Variants in TBC1D32 observed in about 807,000 individuals in gnomAD.
TBC1D32 encodes the protein TBC1 domain family member 32.
TBC1D32 carries 151 observed loss-of-function variants against 170.3 expected under a neutral mutation model. The observed-to-expected ratio is 0.89, with a 90% confidence interval of 0.78 to 1.01. The LOEUF (loss-of-function observed/expected upper bound fraction) is 1.01, where lower values mean the gene tolerates loss of function less well. Ranked by LOEUF, TBC1D32 falls within the 50% of genes least tolerant of loss-of-function variation. The probability of loss-of-function intolerance (pLI) is 0.00; values close to 1 mark genes in which losing one functional copy is unlikely to be tolerated. For synonymous variants in TBC1D32, 498 were observed against 488.0 expected (o/e 1.02, Z -0.27); for missense variants, 1,464 against 1,457.1 (o/e 1.00, Z -0.08).
At chr6:121,159,792 T>C (rs529295788) in intron 24 of TBC1D32, among the ~76,000 whole-genome samples, 1 of 152,318 alleles carries the variant, frequency 6.6e-6, no homozygotes, top group East Asian at 1.9e-4. Flanking sequence ...ACCACCTTTG[T>C]ATACTTGGTC....
In TBC1D32 at chr6:121,273,454, C is replaced by T. The variant is rs1469274118; in HGVS notation, c.1733+5667G>A. On this transcript the variant is annotated intron_variant, in intron 15 of 31. Transcript: ENST00000398212. Reference sequence around the variant, plus strand: ...GAACTGAACAATGAGAACACTTGGACACAGGGTGGGGAACATCACACACCG... The same window carrying T: ...GAACTGAACAATGAGAACACTTGGATACAGGGTGGGGAACATCACACACCG... Among the ~76,000 whole-genome samples, 8 of 151,094 alleles carry T rather than the reference C, an allele frequency of 5.3e-5. No individual in the cohort carries two copies. The Admixed American group carries it at 5.3e-4, about 10-fold the overall frequency.
intron 31 of TBC1D32, among the ~76,000 whole-genome samples, chr6:121,082,397 G>A (rs531999371): frequency 9.2e-5 from 14 of 152,072 alleles, no homozygotes; most frequent in Non-Finnish European, 1.5e-4. Context: ...TGTTATAGTC[G>A]TGGAACAATT....
intron 15 of TBC1D32, among the ~76,000 whole-genome samples, chr6:121,264,174 C>A (rs1800143905): frequency 1.3e-5 from 2 of 151,778 alleles, no homozygotes; most frequent in South Asian, 2.1e-4. Context: ...ATAAAATAGA[C>A]CACTAGTTAG....
chr6:121,291,401 C>A (rs1235260598), intron 12 of TBC1D32, among the ~76,000 whole-genome samples: 1 of 151,768 alleles, frequency 6.6e-6, no homozygotes, highest in Non-Finnish European at 1.5e-5. Flanking sequence ...GTCAAAACAG[C>A]CCAAAATATT....
intron 15 of TBC1D32, among the ~76,000 whole-genome samples, chr6:121,266,384 A>T (rs933495906): frequency 1.3e-5 from 2 of 152,240 alleles, no homozygotes; most frequent in Non-Finnish European, 2.9e-5. Context: ...CATGCCAGTT[A>T]GAATGGCAAT....
intron 15 of TBC1D32, among the ~76,000 whole-genome samples, chr6:121,266,285 A>T (rs1800469369): frequency 6.6e-6 from 1 of 152,220 alleles, no homozygotes; most frequent in Non-Finnish European, 1.5e-5. Flanking sequence ...AAAAGAAGAC[A>T]TTTATGCAGC....
chr6:121,180,115 TGTCA>T (rs1788317259), intron 22 of TBC1D32, among the ~76,000 whole-genome samples: 1 of 152,270 alleles, frequency 6.6e-6, no homozygotes, highest in East Asian at 1.9e-4. Flanking sequence ...CAGAGATATA[TGTCA>T]TGTTTATAGA....
rs781711505 is a variant in TBC1D32, at chr6:121,203,518, TAAAG to T, written c.2570+1553_2570+1556del. Among the ~76,000 whole-genome samples the T allele has an allele frequency of 3.3e-5, 5 of 151,416 alleles. No individual in the cohort carries two copies. In the East Asian group the frequency reaches 5.8e-4, roughly 17 times the overall value. ...AAAAACAGCATAGATCAAGTAGATATAAAGAAAGACATGAAGAACTGCTATTAGA... is the reference window on the plus strand; with the variant it reads ...AAAAACAGCATAGATCAAGTAGATATAAAGACATGAAGAACTGCTATTAGA... On this transcript the variant is annotated intron_variant, in intron 22 of 31. Transcript: ENST00000398212.
chr6:121,287,808 G>A (rs370836352), intron 12 of TBC1D32, among the ~76,000 whole-genome samples: 18 of 152,284 alleles, frequency 1.2e-4, no homozygotes, highest in Admixed American at 7.2e-4. Context: ...CTGTCTCTCA[G>A]ACCACAGTGC....
At position 121,330,139 on chromosome 6, in the gene TBC1D32, T is replaced by A. The variant is rs115274225; in HGVS notation, c.155+4137A>T. On this transcript the variant is annotated intron_variant, in intron 1 of 31. Transcript: ENST00000398212. ...GCCTTGACATTCTGGGCACAAGAGA[T>A]CCTCCCACCTCAGCTTTCTGAGTAG... Among the ~76,000 whole-genome samples the A allele has an allele frequency of 8.9e-3, 1,351 of 152,308 alleles. 25 individuals are homozygous for A. Among genetic ancestry groups the A allele is most frequent in the African/African-American group, 0.031 (1,277 of 41,570 alleles).
intron 24 of TBC1D32, among the ~76,000 whole-genome samples, chr6:121,151,171 T>G (rs1411687714): frequency 6.6e-6 from 1 of 152,184 alleles, no homozygotes; most frequent in East Asian, 1.9e-4. Flanking sequence ...AACACTGCTT[T>G]AGCTGTGTCC....
chr6:121,096,645 C>A (rs949397798), intron 30 of TBC1D32, among the ~76,000 whole-genome samples: 1 of 152,036 alleles, frequency 6.6e-6, no homozygotes, highest in African/African-American at 2.4e-5. Flanking sequence ...AGATTCAATG[C>A]TATTCCCATC....
intron 21 of TBC1D32, among the ~76,000 whole-genome samples, chr6:121,221,035 C>T (rs1296850907): frequency 1.3e-5 from 2 of 152,046 alleles, no homozygotes; most frequent in Admixed American, 1.3e-4. Context: ...TGCCTGGATC[C>T]AAAGCATCAA....
chr6:121,123,369 T>C (rs941722841), intron 26 of TBC1D32, among the ~76,000 whole-genome samples: 1 of 152,108 alleles, frequency 6.6e-6, no homozygotes, highest in Non-Finnish European at 1.5e-5. Flanking sequence ...GCAGTTAATC[T>C]CTCACATAAA....
chr6:121,206,152 G>A (rs991225315), intron 21 of TBC1D32, among the ~76,000 whole-genome samples: 2 of 151,050 alleles, frequency 1.3e-5, no homozygotes, highest in Non-Finnish European at 2.9e-5. Context: ...GGAGGTTGCA[G>A]TGAGCCAAGA....
intron 26 of TBC1D32, among the ~76,000 whole-genome samples, chr6:121,119,489 ATGT>A (rs1780038426): frequency 6.6e-6 from 1 of 152,116 alleles, no homozygotes; most frequent in Non-Finnish European, 1.5e-5. Context: ...AACAAGCAAA[ATGT>A]TGATTTTTTT....
chr6:121,101,416 T>C (rs1300968540), intron 30 of TBC1D32, among the ~76,000 whole-genome samples: 1 of 152,056 alleles, frequency 6.6e-6, no homozygotes, highest in Non-Finnish European at 1.5e-5. Flanking sequence ...ATCCATGGGA[T>C]GCGAAGCTGG....
At chr6:121,237,162 C>A (rs1368954982) in intron 20 of TBC1D32, 3 of 151,962 alleles carry the variant, frequency 2.0e-5, no homozygotes, top group Non-Finnish European at 4.4e-5. Flanking sequence ...ATGTAGAATT[C>A]TAAATTGACT....
At chr6:121,288,953 G>A (rs189784971) in intron 12 of TBC1D32, among the ~76,000 whole-genome samples, 2,873 of 152,046 alleles carry the variant, frequency 0.019, 31 homozygotes, top group South Asian at 0.041. Flanking sequence ...AAATTCAACA[G>A]CCCTTCATGC....
Sources: allele counts gnomAD v4.1 joint callset (sites outside exome capture counted in the v4.1 genomes callset), GRCh38; gene constraint gnomAD v4.1.1; transcripts MANE v1.5; gene names NCBI Gene and HGNC (gene_info 2026-07-23, HGNC 2026-07-21).